USH2A: variants seen among roughly 807,000 people sequenced by gnomAD.
USH2A encodes usherin.
Under a neutral mutation model 538.9 loss-of-function variants are expected in USH2A, and 443 were observed. The observed-to-expected ratio is 0.82, with a 90% CI of 0.76 to 0.89. The LOEUF (loss-of-function observed/expected upper bound fraction) is 0.89, where lower values mean the gene tolerates loss of function less well. Among genes scored for constraint, USH2A ranks in the 40% least tolerant of loss-of-function variants. USH2A has a pLI of 0.00. For missense variants in USH2A, 6,633 were observed against 6,324.8 expected (o/e 1.05, Z -1.65); for synonymous variants, 2,413 against 2,273.5 (o/e 1.06, Z -1.75).
chr1:216,413,422 C>T (rs1248373522), intron 3 of USH2A, among the ~76,000 whole-genome samples: 3 of 152,138 alleles, frequency 2.0e-5, no homozygotes, highest in South Asian at 4.1e-4. Flanking sequence ...AAAGTGTGCA[C>T]ATGGGCATAC....
chr1:216,086,839 G>C lies in USH2A; in HGVS notation c.4886-19C>G, dbSNP rs2032150249. 6.4e-7 allele frequency: 1 copy of C among 1,564,056 alleles called. No individual in the cohort carries two copies. The highest frequency in any genetic ancestry group is 8.8e-7 in the Non-Finnish European group (1 of 1,135,570). On this transcript the variant is annotated intron_variant, in intron 23 of 71. Coordinates refer to ENST00000307340, the MANE Select transcript of USH2A (RefSeq NM_206933.4). ...GAGGAACCTAGAGAAGAGGAGATGA[G>C]AAATACACCTTCACCAGGATACTCT...
chr1:215,698,584 G>A (rs1205777514), intron 61 of USH2A, among the ~76,000 whole-genome samples: 1 of 152,050 alleles, frequency 6.6e-6, no homozygotes, highest in Non-Finnish European at 1.5e-5. Context: ...GTGATATGAG[G>A]CTTTTTTCAT....
intron 11 of USH2A, among the ~76,000 whole-genome samples, chr1:216,253,502 T>C (rs571042945): frequency 2.0e-5 from 3 of 152,306 alleles, no homozygotes; most frequent in African/African-American, 7.2e-5. Flanking sequence ...GCATGTATCA[T>C]CTGGAGCGTC....
intron 20 of USH2A, among the ~76,000 whole-genome samples, chr1:216,182,874 C>T (rs2034521491): frequency 1.3e-5 from 2 of 152,078 alleles, no homozygotes; most frequent in African/African-American, 4.8e-5. Context: ...CTACCAGTTA[C>T]CAGTCTTCAA....
At chr1:215,733,204 G>A (rs1660057030) in intron 60 of USH2A, among the ~76,000 whole-genome samples, 1 of 134,374 alleles carries the variant, frequency 7.4e-6, no homozygotes, top group Non-Finnish European at 1.5e-5. Context: ...TGGCGGGGGG[G>A]CGGGGGGCGG....
chr1:216,348,059 C>G (rs1258608859), intron 4 of USH2A, among the ~76,000 whole-genome samples: 1 of 152,072 alleles, frequency 6.6e-6, no homozygotes, highest in Non-Finnish European at 1.5e-5. Flanking sequence ...GCCAAGGCAA[C>G]TTTTCTTTTA....
chr1:216,114,519 T>C (rs1417712964), intron 21 of USH2A, among the ~76,000 whole-genome samples: 1 of 152,146 alleles, frequency 6.6e-6, no homozygotes, highest in African/African-American at 2.4e-5. Flanking sequence ...ATGTTTCTAG[T>C]TCATTTTTTA....
At chr1:216,058,090 G>C (rs1038768935) in intron 30 of USH2A, among the ~76,000 whole-genome samples, 2 of 152,096 alleles carry the variant, frequency 1.3e-5, no homozygotes, top group African/African-American at 4.8e-5. Flanking sequence ...CAGACTGGAT[G>C]GCAGGAGCTC....
At chr1:216,264,092 A>G (rs1468015815) in intron 11 of USH2A, among the ~76,000 whole-genome samples, 1 of 152,166 alleles carries the variant, frequency 6.6e-6, no homozygotes, top group African/African-American at 2.4e-5. Flanking sequence ...AACTTATAAT[A>G]GAAATTAAAG....
chr1:216,263,201 A>G (rs2036408873), intron 11 of USH2A, among the ~76,000 whole-genome samples: 1 of 152,160 alleles, frequency 6.6e-6, no homozygotes, highest in Non-Finnish European at 1.5e-5. Flanking sequence ...AAACTTTAAT[A>G]GAAGAACTAA....
intron 21 of USH2A, among the ~76,000 whole-genome samples, chr1:216,125,719 T>C (rs1230859124): frequency 1.3e-5 from 2 of 152,080 alleles, no homozygotes; most frequent in Non-Finnish European, 2.9e-5. Flanking sequence ...GACAGATAGA[T>C]GGGGTGGAAA....
In USH2A at chr1:215,945,137, G is replaced by A. The variant is rs573067548; in HGVS notation, c.7121-10342C>T. ...ACCATGAGTCCCAAAATAAGCATTC[G>A]ATATGTAAAGGATCATAAGATATAA... On this transcript the variant is annotated intron_variant, in intron 37 of 71. Transcript: ENST00000307340. Among the ~76,000 whole-genome samples the A allele has an allele frequency of 7.0e-4, 107 of 152,160 alleles. 1 individual carries two copies. The highest frequency in any genetic ancestry group is 4.6e-3 in the South Asian group (22 of 4,820).
intron 44 of USH2A, among the ~76,000 whole-genome samples, chr1:215,859,341 T>C (rs567914045): frequency 2.0e-5 from 3 of 152,200 alleles, no homozygotes; most frequent in African/African-American, 7.2e-5. Context: ...GAGACCTTCC[T>C]GGCTAACACA....
intron 13 of USH2A, 117 bp downstream of exon 13, chr1:216,246,468 G>T: frequency 7.8e-7 from 1 of 1,288,250 alleles, no homozygotes; most frequent in East Asian, 2.4e-5. Flanking sequence ...TATAAATACA[G>T]TAATGATTTT....
rs1658182041 is a variant in USH2A at position 215,680,249 on chromosome 1, G to A, written c.12194C>T (p.Ser4065Phe). 6.2e-7 allele frequency: 1 copy of A among 1,614,092 alleles called. No individual in the cohort carries two copies. Among genetic ancestry groups the A allele is most frequent in the Admixed American group, 1.7e-5 (1 of 60,000 alleles). The change falls in exon 62 of 72, where the codon TCC becomes TTC. Residue 4065 changes from serine to phenylalanine, a missense_variant. By Grantham distance (155) the Ser-to-Phe change is radical. Coordinates refer to ENST00000307340, the MANE Select transcript of USH2A (RefSeq NM_206933.4). Reference sequence around the variant, plus strand: ...TATAAAGTTTCTCAGTCCACTTGGGGAAGATTCTAAGGTTTGAATCAGAGT... The same window carrying A: ...TATAAAGTTTCTCAGTCCACTTGGGAAAGATTCTAAGGTTTGAATCAGAGT... Reference protein sequence around the residue: ...PWTLIQTLESSPSGLRNFIVE... With the variant: ...PWTLIQTLESFPSGLRNFIVE...
At chr1:215,893,089 T>C (rs1289987320) in intron 40 of USH2A, among the ~76,000 whole-genome samples, 2 of 152,110 alleles carry the variant, frequency 1.3e-5, no homozygotes, top group African/African-American at 4.8e-5. Flanking sequence ...AACCTAAAGG[T>C]CATCACATTC....
At chr1:216,299,066 T>C (rs1444600906) in intron 9 of USH2A, among the ~76,000 whole-genome samples, 2 of 151,970 alleles carry the variant, frequency 1.3e-5, no homozygotes, top group East Asian at 1.9e-4. Flanking sequence ...ATGGTCTCCA[T>C]CTCCTGACCT....
At chr1:215,817,795 T>C (rs1571716421) in intron 47 of USH2A, among the ~76,000 whole-genome samples, 1 of 141,834 alleles carries the variant, frequency 7.1e-6, no homozygotes, top group Non-Finnish European at 1.6e-5. Flanking sequence ...ATATTTGGCA[T>C]TGGTTCACCA....
In USH2A at chr1:215,728,245, C is replaced by A; in HGVS notation, c.11851G>T (p.Val3951Leu). 6.2e-7 allele frequency: 1 copy of A among 1,614,164 alleles called. No homozygotes were observed. Among genetic ancestry groups the A allele is most frequent in the Non-Finnish European group, 8.5e-7 (1 of 1,180,046 alleles). Reference protein sequence around the residue: ...RVRACNSKGSVESLWSLTQTL... With the variant: ...RVRACNSKGSLESLWSLTQTL... ...TGTGTTAATGACCACAGACTCTCCA[C>A]TGAACCCTTGGAGTTACAGGCTCTG... The change falls in exon 61 of 72, where the codon GTG (valine) becomes TTG (leucine). Residue 3951 changes from valine (V) to leucine (L), a missense_variant. Physicochemically the swap from Val to Leu is conservative, Grantham distance 32 (BLOSUM62 1). Coordinates refer to ENST00000307340, the MANE Select transcript of USH2A (RefSeq NM_206933.4).
Sources: allele counts gnomAD v4.1 joint callset (sites outside exome capture counted in the v4.1 genomes callset), GRCh38; gene constraint gnomAD v4.1.1; transcripts MANE v1.5; gene names NCBI Gene and HGNC (gene_info 2026-07-23, HGNC 2026-07-21).